RPH3A: variants seen among roughly 807,000 people sequenced by gnomAD.
The protein encoded by RPH3A is rabphilin-3A.
RPH3A carries 48 observed loss-of-function variants against 102.2 expected under a neutral mutation model. The ratio of observed to expected loss-of-function variants is 0.47; its 90% confidence interval spans 0.37 to 0.60. The LOEUF (loss-of-function observed/expected upper bound fraction) is 0.60. RPH3A is among the 20% of genes least tolerant of loss of function. The probability of loss-of-function intolerance (pLI) is 0.00; values close to 1 mark genes in which losing one functional copy is unlikely to be tolerated. For missense variants in RPH3A, 781 were observed against 910.1 expected (o/e 0.86, Z 1.83); for synonymous variants, 310 against 324.3 (o/e 0.96, Z 0.47).
chr12:112,673,442 T>C (rs2040149434), intron 1 of RPH3A, among the ~76,000 whole-genome samples: 1 of 152,142 alleles, frequency 6.6e-6, no homozygotes, highest in South Asian at 2.1e-4. Context: ...GTGATCCTCC[T>C]GCCTCAGCCT....
intron 5 of RPH3A, among the ~76,000 whole-genome samples, chr12:112,863,438 C>G (rs2042555055): frequency 6.6e-6 from 1 of 152,218 alleles, no homozygotes; most frequent in South Asian, 2.1e-4. Context: ...CTGCCTCAGC[C>G]TCTCAAGTAA....
intron 1 of RPH3A, among the ~76,000 whole-genome samples, chr12:112,783,092 T>C (rs1406456967): frequency 5.3e-5 from 8 of 152,188 alleles, no homozygotes; most frequent in Admixed American, 5.2e-4. Context: ...CTGTAGCACT[T>C]GTCACTGCCT....
Position 112,883,533 on chromosome 12 carries a change from G to C in RPH3A, c.1436+131G>C, listed in dbSNP as rs541849660. The C allele has an allele frequency of 9.1e-5, 59 of 649,360 alleles. No homozygotes were observed. In the African/African-American group the frequency reaches 9.9e-4, roughly 11 times the overall value. 40.2% of individuals were successfully genotyped at this position (649,360 alleles called of 1,614,324 possible). A position where few individuals can be genotyped will look rare whatever the true frequency, so the allele number is the denominator to read the frequency against. On this transcript the variant is annotated intron_variant, in intron 16 of 21. Transcript: ENST00000389385. ...TACATAGTTTATTTTTTTCCTTCTT[G>C]TTTACTTTTACCAAAAAATGATATA...
At chr12:112,797,731 C>A (rs956555117) in intron 2 of RPH3A, among the ~76,000 whole-genome samples, 32 of 151,860 alleles carry the variant, frequency 2.1e-4, no homozygotes, top group Non-Finnish European at 7.4e-5. Context: ...GCTCTGTCAC[C>A]CAGGCTGGAG....
At chr12:112,575,535 C>G (rs1034397568) in intron 1 of RPH3A, among the ~76,000 whole-genome samples, 5 of 151,986 alleles carry the variant, frequency 3.3e-5, no homozygotes, top group Non-Finnish European at 7.4e-5. Flanking sequence ...CCGTGCTATC[C>G]TTTGGGATTT....
intron 1 of RPH3A, among the ~76,000 whole-genome samples, chr12:112,633,182 A>G (rs1328650077): frequency 2.6e-5 from 4 of 152,204 alleles, no homozygotes; most frequent in Non-Finnish European, 5.9e-5. Flanking sequence ...CCTGGGCAAC[A>G]GAGCAAAACC....
chr12:112,679,450 C>G (rs1183178615), intron 1 of RPH3A, among the ~76,000 whole-genome samples: 1 of 151,356 alleles, frequency 6.6e-6, no homozygotes, highest in African/African-American at 2.4e-5. Flanking sequence ...ACCGTAGACT[C>G]TCACTCACTC....
intron 5 of RPH3A, among the ~76,000 whole-genome samples, chr12:112,858,529 C>A (rs2042452467): frequency 6.6e-6 from 1 of 152,184 alleles, no homozygotes; most frequent in Non-Finnish European, 1.5e-5. Context: ...CTGACTGTTC[C>A]TGTCTCTCTC....
intron 19 of RPH3A, among the ~76,000 whole-genome samples, chr12:112,892,675 G>T (rs368123910): frequency 1.3e-5 from 2 of 152,242 alleles, no homozygotes; most frequent in East Asian, 3.8e-4. Flanking sequence ...ACTGGAGAAT[G>T]CAGGCTGAGA....
At position 112,791,897 on chromosome 12, in the gene RPH3A, A is replaced by AGAGAGAGAGAGAGAGAGAGAGAGAGG; in HGVS notation, c.-247_-246insGAGAGAGAGAGAGAGAGGGAGAGAGA. On this transcript the variant is annotated 5_prime_UTR_variant, in exon 1 of 22. Transcript: ENST00000389385. ...GAGAGAGAGAGAGAGAGAGAGAGAG[A>AGAGAGAGAGAGAGAGAGAGAGAGAGG]GAGAGAGACTCACAGAGCTAAAACC... The AGAGAGAGAGAGAGAGAGAGAGAGAGG allele has an allele frequency of 6.6e-6, 1 of 151,264 alleles. No individual in the cohort carries two copies. The highest frequency in any genetic ancestry group is 2.4e-5 in the African/African-American group (1 of 41,006). The allele number at this position is 151,264 out of a possible 1,614,324, so 9.4% of individuals were successfully genotyped here.
At chr12:112,664,335 T>C (rs2040070164) in intron 1 of RPH3A, among the ~76,000 whole-genome samples, 1 of 152,014 alleles carries the variant, frequency 6.6e-6, no homozygotes, top group Non-Finnish European at 1.5e-5. Context: ...ATTTGGGGGA[T>C]TTAAGCAGGA....
intron 2 of RPH3A, among the ~76,000 whole-genome samples, chr12:112,805,204 C>A (rs941446569): frequency 1.3e-5 from 2 of 152,026 alleles, no homozygotes; most frequent in African/African-American, 2.4e-5. Flanking sequence ...AGTGGACAGC[C>A]CTAAATTTGG....
chr12:112,896,885 C>T lies in RPH3A; in HGVS notation c.*105C>T, dbSNP rs2043187861. ...TCTCTATGCCTACCTCCCCCCATAC[C>T]CTGCTGATCTCCCTGAGCCTGCCTT... is the stretch of plus-strand genomic sequence containing the variant. On this transcript the variant is annotated 3_prime_UTR_variant, in exon 22 of 22. Coordinates refer to ENST00000389385, the MANE Select transcript of RPH3A (RefSeq NM_001143854.2). 2.7e-5 allele frequency: 35 copies of T among 1,282,250 alleles called. 1 individual carries two copies. The South Asian group carries it at 4.5e-4, about 17-fold the overall frequency. 79.4% of individuals were successfully genotyped at this position (1,282,250 alleles called of 1,614,324 possible).
chr12:112,676,863 C>T (rs989997207), intron 1 of RPH3A, among the ~76,000 whole-genome samples: 2 of 152,096 alleles, frequency 1.3e-5, no homozygotes, highest in Non-Finnish European at 2.9e-5. Context: ...AGAGAAGCAG[C>T]TGGAGATTAA....
intron 2 of RPH3A, among the ~76,000 whole-genome samples, chr12:112,826,171 A>C (rs1410214927): frequency 6.6e-6 from 1 of 152,172 alleles, no homozygotes; most frequent in East Asian, 1.9e-4. Flanking sequence ...TTAGGAATAA[A>C]CCTACACGAA....
rs565241848 is a variant in RPH3A at position 112,576,854 on chromosome 12, T to A, written c.-140+1535T>A. On this transcript the variant is annotated intron_variant, in intron 1 of 21. Transcript: ENST00000543106. Reference sequence around the variant, plus strand: ...CCTCTTATAAAACTTTTTTTTTTTTTAAATTATTGTATTTTTTTCAATAGA... The same window carrying A: ...CCTCTTATAAAACTTTTTTTTTTTTAAAATTATTGTATTTTTTTCAATAGA... 8.9e-4 allele frequency among the ~76,000 whole-genome samples: 135 copies of A among 151,140 alleles called. 2 individuals are homozygous for A. Among genetic ancestry groups the A allele is most frequent in the East Asian group, 4.4e-3 (23 of 5,188 alleles).
intron 2 of RPH3A, among the ~76,000 whole-genome samples, chr12:112,827,642 C>A (rs1565904421): frequency 6.6e-6 from 1 of 151,934 alleles, no homozygotes; most frequent in African/African-American, 2.4e-5. Flanking sequence ...TTTTAAAGAT[C>A]AAGACAATAC....
intron 1 of RPH3A, among the ~76,000 whole-genome samples, chr12:112,601,093 G>A (rs941026297): frequency 6.6e-6 from 1 of 152,168 alleles, no homozygotes; most frequent in South Asian, 2.1e-4. Context: ...CCCTTGACAC[G>A]TGGGGATTAC....
At chr12:112,629,260 A>G (rs2039786924) in intron 1 of RPH3A, among the ~76,000 whole-genome samples, 1 of 152,054 alleles carries the variant, frequency 6.6e-6, no homozygotes, top group Non-Finnish European at 1.5e-5. Context: ...CCCTGTGATG[A>G]GATAGTTACT....
Sources: allele counts gnomAD v4.1 joint callset (sites outside exome capture counted in the v4.1 genomes callset), GRCh38; gene constraint gnomAD v4.1.1; transcripts MANE v1.5; gene names NCBI Gene and HGNC (gene_info 2026-07-23, HGNC 2026-07-21).